GPD2: variants seen among roughly 807,000 people sequenced by gnomAD.
GPD2 encodes glycerol-3-phosphate dehydrogenase 2.
GPD2 carries 54 observed loss-of-function variants against 82.4 expected under a neutral mutation model. The observed-to-expected ratio is 0.66, with a 90% CI of 0.53 to 0.82. The LOEUF (loss-of-function observed/expected upper bound fraction) is 0.82, where lower values mean the gene tolerates loss of function less well. Among genes scored for constraint, GPD2 ranks in the 40% least tolerant of loss-of-function variants. GPD2 has a pLI of 0.00. For missense variants in GPD2, 748 were observed against 896.2 expected (o/e 0.83, Z 2.11); for synonymous variants, 288 against 306.1 (o/e 0.94, Z 0.62).
intron 3 of GPD2, among the ~76,000 whole-genome samples, chr2:156,500,538 A>G (rs974811157): frequency 1.1e-4 from 17 of 152,204 alleles, no homozygotes; most frequent in African/African-American, 4.1e-4. Context: ...GATTGTATCC[A>G]TTAATCTTTA....
At chr2:156,441,331 A>G (rs1015806633) in intron 1 of GPD2, among the ~76,000 whole-genome samples, 3 of 152,130 alleles carry the variant, frequency 2.0e-5, no homozygotes, top group Non-Finnish European at 4.4e-5. Flanking sequence ...ACAGGAGGAT[A>G]ACTTGAGCTC....
chr2:156,573,335 G>A (rs1039395433), intron 13 of GPD2, among the ~76,000 whole-genome samples: 2 of 152,134 alleles, frequency 1.3e-5, no homozygotes. Context: ...TCTCCATCCT[G>A]TCTTGCTGTG....
Position 156,578,967 on chromosome 2 carries a change from T to C in GPD2, c.1846T>C (p.Ser616Pro), listed in dbSNP as rs765878694. The change falls in exon 14 of 17, where the codon TCT becomes CCT. Residue 616 changes from serine to proline, a missense_variant. By Grantham distance (74) the Ser-to-Pro change is moderately conservative. Coordinates refer to ENST00000438166, the MANE Select transcript of GPD2 (RefSeq NM_000408.5). ...KSRSEQLTDR[S>P]EISLLPSDID... ...TCGATCAGAACAGTTAACAGATCGC[T>C]CTGAAATTAGCCTACTGCCTTCAGA... 1.2e-6 allele frequency: 2 copies of C among 1,609,986 alleles called. No homozygotes were observed. Among genetic ancestry groups the C allele is most frequent in the Admixed American group, 3.3e-5 (2 of 60,012 alleles).
At chr2:156,547,667 C>G (rs181808446) in intron 6 of GPD2, among the ~76,000 whole-genome samples, 12 of 152,178 alleles carry the variant, frequency 7.9e-5, no homozygotes, top group African/African-American at 2.9e-4. Context: ...CAGTCATATT[C>G]AGATTTAGAT....
At chr2:156,414,813 C>A in the GPD2 span, among the ~76,000 whole-genome samples, 1 of 152,068 alleles carries the variant, frequency 6.6e-6, no homozygotes, top group East Asian at 1.9e-4. Flanking sequence ...GAGATGTCAT[C>A]AATTATTCCA....
chr2:156,578,494 T>C (rs1055908980), intron 13 of GPD2, among the ~76,000 whole-genome samples: 3 of 152,078 alleles, frequency 2.0e-5, no homozygotes, highest in Non-Finnish European at 4.4e-5. Flanking sequence ...GCAACATAAA[T>C]GAATCTCAGA....
At chr2:156,526,477 CTT>C (rs1388000343) in intron 6 of GPD2, among the ~76,000 whole-genome samples, 2 of 152,084 alleles carry the variant, frequency 1.3e-5, no homozygotes, top group African/African-American at 4.8e-5. Flanking sequence ...CAATTATAGT[CTT>C]TTAAATAGAT....
chr2:156,574,979 T>C (rs1346817685), intron 13 of GPD2, among the ~76,000 whole-genome samples: 1 of 152,196 alleles, frequency 6.6e-6, no homozygotes, highest in Non-Finnish European at 1.5e-5. Flanking sequence ...TTTTTATGTG[T>C]GAAAAGAGCA....
At chr2:156,566,282 C>T (rs1310459740) in intron 9 of GPD2, among the ~76,000 whole-genome samples, 4 of 152,010 alleles carry the variant, frequency 2.6e-5, no homozygotes, top group Non-Finnish European at 4.4e-5. Context: ...GCATTACGTA[C>T]ATTCACATTG....
intron 8 of GPD2, among the ~76,000 whole-genome samples, chr2:156,554,710 A>G (rs1053337806): frequency 6.6e-6 from 1 of 152,216 alleles, no homozygotes; most frequent in Non-Finnish European, 1.5e-5. Flanking sequence ...CAATGATAAT[A>G]CACCAAACGA....
chr2:156,453,664 G>A (rs1033719164), intron 1 of GPD2, among the ~76,000 whole-genome samples: 1 of 152,118 alleles, frequency 6.6e-6, no homozygotes. Context: ...ATCACCTGAG[G>A]TCAGGAGTTT....
chr2:156,462,214 T>C (rs1476273442), intron 1 of GPD2, among the ~76,000 whole-genome samples: 1 of 152,210 alleles, frequency 6.6e-6, no homozygotes, highest in African/African-American at 2.4e-5. Context: ...TGAGGTAGAA[T>C]TGAAATAAGA....
chr2:156,571,979 G>T (rs1429911787), intron 13 of GPD2, among the ~76,000 whole-genome samples: 1 of 152,088 alleles, frequency 6.6e-6, no homozygotes, highest in African/African-American at 2.4e-5. Flanking sequence ...CCACCACTTT[G>T]CTGCATTAGC....
At position 156,486,889 on chromosome 2, in the gene GPD2, TAAAGCTTGGAACC is replaced by T. The variant is rs1683964336; in HGVS notation, c.103-9154_103-9142del. 3.9e-5 allele frequency among the ~76,000 whole-genome samples: 6 copies of T among 152,342 alleles called. No individual in the cohort carries two copies. The South Asian group carries it at 1.2e-3, about 32-fold the overall frequency. ...GTGTAGCTGAAGGCCATCTAGATTA[TAAAGCTTGGAACC>T]GGCTGGTTGGCTCAGTTGGGCATCA... is the stretch of plus-strand genomic sequence containing the variant. On this transcript the variant is annotated intron_variant, in intron 2 of 16. Transcript: ENST00000438166.
At chr2:156,428,640 T>C in the GPD2 span, among the ~76,000 whole-genome samples, 273 of 152,336 alleles carry the variant, frequency 1.8e-3, no homozygotes, top group African/African-American at 6.2e-3. Flanking sequence ...ATTTACAGCG[T>C]GGCCTAGAGA....
intron 1 of GPD2, among the ~76,000 whole-genome samples, chr2:156,462,513 G>A (rs1009393401): frequency 1.3e-5 from 2 of 150,612 alleles, no homozygotes; most frequent in African/African-American, 4.9e-5. Flanking sequence ...TATTGGTCGG[G>A]CTGGTCTCAA....
At chr2:156,526,220 C>G (rs1685600681) in intron 6 of GPD2, among the ~76,000 whole-genome samples, 1 of 152,126 alleles carries the variant, frequency 6.6e-6, no homozygotes, top group Non-Finnish European at 1.5e-5. Context: ...ATAAACCACA[C>G]TTTCAAATTA....
chr2:156,494,648 A>G (rs1684304172), intron 2 of GPD2, among the ~76,000 whole-genome samples: 1 of 152,182 alleles, frequency 6.6e-6, no homozygotes, highest in African/African-American at 2.4e-5. Context: ...GCCTGAGATT[A>G]CCTCCTCTTG....
intron 2 of GPD2, among the ~76,000 whole-genome samples, chr2:156,492,951 G>A (rs1684237796): frequency 6.6e-6 from 1 of 152,198 alleles, no homozygotes; most frequent in African/African-American, 2.4e-5. Flanking sequence ...TCCAAATGGA[G>A]GTCTCAAGTA....
Sources: allele counts gnomAD v4.1 joint callset (sites outside exome capture counted in the v4.1 genomes callset), GRCh38; gene constraint gnomAD v4.1.1; transcripts MANE v1.5; gene names NCBI Gene and HGNC (gene_info 2026-07-23, HGNC 2026-07-21).